Variants in PAK2 observed in about 807,000 individuals in gnomAD.
PAK2 encodes the protein p21 (RAC1) activated kinase 2.
A neutral mutation model predicts 65.9 loss-of-function variants in PAK2; 21 were observed. The observed-to-expected ratio is 0.32, with a 90% CI of 0.23 to 0.46. The LOEUF is 0.46. Among genes scored for constraint, PAK2 ranks in the 20% least tolerant of loss-of-function variants. PAK2 has a pLI of 1.00. For synonymous variants in PAK2, 204 were observed against 219.7 expected (o/e 0.93, Z 0.63); for missense variants, 324 against 642.6 (o/e 0.50, Z 5.36).
chr3:196,825,487 C>A (rs1711826611), intron 13 of PAK2, among the ~76,000 whole-genome samples: 22 of 150,332 alleles, frequency 1.5e-4, no homozygotes, highest in African/African-American at 5.3e-4. Context: ...ACTGAAAATA[C>A]AAAAAATTAG....
chr3:196,823,324 G>T (rs554733125), intron 13 of PAK2, among the ~76,000 whole-genome samples: 48 of 152,286 alleles, frequency 3.2e-4, no homozygotes, highest in Non-Finnish European at 5.3e-4. Context: ...GTACAAAGCT[G>T]AAGAGTCTTA....
chr3:196,797,158 A>C (rs1296815876), intron 2 of PAK2, among the ~76,000 whole-genome samples: 2 of 152,218 alleles, frequency 1.3e-5, no homozygotes, highest in East Asian at 3.8e-4. Flanking sequence ...CATGAGGTCT[A>C]CTTTTAAAAA....
chr3:196,805,824 G>A (rs1251839522), intron 5 of PAK2, among the ~76,000 whole-genome samples: 4 of 151,964 alleles, frequency 2.6e-5, no homozygotes, highest in South Asian at 2.1e-4. Context: ...GGAAACAGTC[G>A]TTTTATTTGC....
chr3:196,742,555 TATA>T (rs1713235917), intron 1 of PAK2, among the ~76,000 whole-genome samples: 2 of 152,224 alleles, frequency 1.3e-5, no homozygotes, highest in Admixed American at 6.5e-5. Flanking sequence ...CGATTATTAT[TATA>T]ATAATATTTG....
Position 196,832,153 on chromosome 3 carries a change from C to T in PAK2, c.*3748C>T, listed in dbSNP as rs1230068028. 2.0e-5 allele frequency: 3 copies of T among 152,120 alleles called. No individual in the cohort carries two copies. The highest frequency in any genetic ancestry group is 6.6e-5 in the Admixed American group (1 of 15,264). 9.4% of individuals were successfully genotyped at this position (152,120 alleles called of 1,614,324 possible). On this transcript the variant is annotated 3_prime_UTR_variant, in exon 15 of 15. Coordinates refer to ENST00000327134, the MANE Select transcript of PAK2 (RefSeq NM_002577.4). ...CTCTAGAAAGCTGCCAAGACAGAGG[C>T]AGAAAGAAATGGATGATAGTTCTGT...
chr3:196,829,017 A>G lies in PAK2; in HGVS notation c.*612A>G, dbSNP rs2108779752. The stretch of plus-strand genomic sequence containing the variant: ...AACTTGACCTGAAGGAAGGGAAGAA[A>G]AGTATGTGATTTTTACCTTTTTTAA... On this transcript the variant is annotated 3_prime_UTR_variant, in exon 15 of 15. Coordinates refer to ENST00000327134, the MANE Select transcript of PAK2 (RefSeq NM_002577.4). 1 of 152,822 alleles carries G rather than the reference A, an allele frequency of 6.5e-6. No homozygotes were observed. The highest frequency in any genetic ancestry group is 1.9e-4 in the East Asian group (1 of 5,194). The allele number at this position is 152,822 out of a possible 1,614,324, so 9.5% of individuals were successfully genotyped here. A position where few individuals can be genotyped will look rare whatever the true frequency, so the allele number is the denominator to read the frequency against.
At chr3:196,772,782 G>A (rs1714400341) in intron 1 of PAK2, among the ~76,000 whole-genome samples, 9 of 152,172 alleles carry the variant, frequency 5.9e-5, no homozygotes, top group Admixed American at 5.9e-4. Context: ...GGAGGGAAGG[G>A]CCACTGGTGT....
chr3:196,761,161 T>TA (rs1440388266), intron 1 of PAK2, among the ~76,000 whole-genome samples: 14 of 145,274 alleles, frequency 9.6e-5, no homozygotes, highest in African/African-American at 3.3e-4. Context: ...TTTTTTTTTT[T>TA]TAATTTATTT....
intron 1 of PAK2, among the ~76,000 whole-genome samples, chr3:196,756,692 T>C (rs1401262100): frequency 2.0e-5 from 3 of 152,064 alleles, no homozygotes; most frequent in Non-Finnish European, 4.4e-5. Context: ...AAAAATTAGC[T>C]GGGCGTGATG....
Position 196,766,066 on chromosome 3 carries a change from T to G in PAK2, c.-21-16560T>G, listed in dbSNP as rs139801295. On this transcript the variant is annotated intron_variant, in intron 1 of 14. Coordinates refer to ENST00000327134, the MANE Select transcript of PAK2 (RefSeq NM_002577.4). ...TGAGCACCACCATGCCCACCTAGTTTTTGTACTTTTAGTAGAGATGAGGTT... is the reference window on the plus strand; with the variant it reads ...TGAGCACCACCATGCCCACCTAGTTGTTGTACTTTTAGTAGAGATGAGGTT... Among the ~76,000 whole-genome samples, 370 of 152,066 alleles carry G rather than the reference T, an allele frequency of 2.4e-3. 6 individuals carry two copies. Among genetic ancestry groups the G allele is most frequent in the African/African-American group, 8.7e-3 (362 of 41,472 alleles).
At chr3:196,740,851 AAC>A (rs200561579) in intron 1 of PAK2, among the ~76,000 whole-genome samples, 2,314 of 152,232 alleles carry the variant, frequency 0.015, 102 homozygotes, top group Admixed American at 0.097. Context: ...CTCTCTTGGA[AAC>A]ACACGCACGC....
intron 2 of PAK2, among the ~76,000 whole-genome samples, chr3:196,785,650 T>C (rs1714862088): frequency 6.6e-6 from 1 of 152,312 alleles, no homozygotes; most frequent in African/African-American, 2.4e-5. Context: ...TATTAGTCTG[T>C]TTTCACACTG....
At position 196,750,961 on chromosome 3, in the gene PAK2, T is replaced by A. The variant is rs149413104; in HGVS notation, c.-22+10804T>A. On this transcript the variant is annotated intron_variant, in intron 1 of 14. Transcript: ENST00000327134. ...TAAGTACTCACGTTGTGGTACAACTTTCCCTACCATCTGTCTTCAGAATTT... is the reference window on the plus strand; with the variant it reads ...TAAGTACTCACGTTGTGGTACAACTATCCCTACCATCTGTCTTCAGAATTT... Among the ~76,000 whole-genome samples, 829 of 152,258 alleles carry A rather than the reference T, an allele frequency of 5.4e-3. 6 individuals are homozygous for A. The highest frequency in any genetic ancestry group is 0.018 in the African/African-American group (729 of 41,542).
chr3:196,805,471 A>G (rs1227666922), intron 5 of PAK2, 88 bp downstream of exon 5: 4 of 680,700 alleles, frequency 5.9e-6, no homozygotes, highest in Non-Finnish European at 1.0e-5. Context: ...TTTCTAAAAT[A>G]AATTACAGCC....
intron 1 of PAK2, among the ~76,000 whole-genome samples, chr3:196,753,459 G>T (rs1713673455): frequency 6.6e-6 from 1 of 152,150 alleles, no homozygotes; most frequent in South Asian, 2.1e-4. Context: ...CTCCCTAAGT[G>T]CTGGGATTGC....
At chr3:196,788,647 C>T (rs1361733420) in intron 2 of PAK2, among the ~76,000 whole-genome samples, 2 of 152,164 alleles carry the variant, frequency 1.3e-5, no homozygotes, top group Non-Finnish European at 2.9e-5. Flanking sequence ...AAAAGTGGTA[C>T]AGAGGCAGTG....
rs566036709 is a variant in PAK2, at chr3:196,801,405, C to G, written c.188-522C>G. Among the ~76,000 whole-genome samples, 32 of 152,242 alleles carry G rather than the reference C, an allele frequency of 2.1e-4. No individual in the cohort carries two copies. In the East Asian group the frequency reaches 5.0e-3, roughly 24 times the overall value. ...CCTCAGTGTTTGGTTGTGTCCAGCC[C>G]TACTCTATGGCAGGACAGTCTGCTT... On this transcript the variant is annotated intron_variant, in intron 2 of 14. Transcript: ENST00000327134.
intron 11 of PAK2, among the ~76,000 whole-genome samples, chr3:196,817,227 C>G (rs1001375639): frequency 1.4e-5 from 2 of 138,874 alleles, no homozygotes; most frequent in African/African-American, 2.7e-5. Flanking sequence ...TGCAGTGGCA[C>G]AATCTCAGCT....
At position 196,812,828 on chromosome 3, in the gene PAK2, C is replaced by G. The variant is rs1363421085; in HGVS notation, c.912C>G (p.Pro304=). The part of the protein sequence containing the change: ...EILVMKELKN[P]NIVNFLDSYL... Reference sequence around the variant, plus strand: ...TGGTGATGAAAGAATTGAAAAATCCCAACATCGTTAACTTTTTGGACAGGT... The same window carrying G: ...TGGTGATGAAAGAATTGAAAAATCCGAACATCGTTAACTTTTTGGACAGGT... Residue 304 remains proline, a synonymous_variant, in exon 10 of 15, where the codon CCC becomes CCG. Coordinates refer to ENST00000327134, the MANE Select transcript of PAK2 (RefSeq NM_002577.4). The G allele has an allele frequency of 1.3e-6, 2 of 1,516,310 alleles. No homozygotes were observed. Among genetic ancestry groups the G allele is most frequent in the African/African-American group, 2.7e-5 (2 of 72,902 alleles). 93.9% of individuals were successfully genotyped at this position (1,516,310 alleles called of 1,614,324 possible).
Sources: allele counts gnomAD v4.1 joint callset (sites outside exome capture counted in the v4.1 genomes callset), GRCh38; gene constraint gnomAD v4.1.1; transcripts MANE v1.5; gene names NCBI Gene and HGNC (gene_info 2026-07-23, HGNC 2026-07-21).